The following ZC3H12B variants were observed in gnomAD, a reference collection of about 807,000 sequenced individuals.
ZC3H12B encodes the protein probable ribonuclease ZC3H12B.
Under a neutral mutation model 43.9 loss-of-function variants are expected in ZC3H12B, and 7 were observed. The observed-to-expected ratio is 0.16, with a 90% CI of 0.09 to 0.30. The LOEUF (loss-of-function observed/expected upper bound fraction) is 0.30. Ranked by LOEUF, ZC3H12B falls within the 10% of genes least tolerant of loss-of-function variation. ZC3H12B has a pLI of 1.00. For synonymous variants in ZC3H12B, 222 were observed against 241.7 expected, an observed-to-expected ratio of 0.92 and a Z score of 0.76; for missense variants, 475 against 670.2, an observed-to-expected ratio of 0.71 and a Z score of 3.22.
chrX:65,106,001 T>C, the ZC3H12B span, among the ~76,000 whole-genome samples: 1 of 112,202 alleles, frequency 8.9e-6, no homozygotes, highest in Non-Finnish European at 1.9e-5. Context: ...TCCGTTATTC[T>C]GTTTTATTTT....
the ZC3H12B span, among the ~76,000 whole-genome samples, chrX:65,226,928 TAATG>T: frequency 9.0e-6 from 1 of 110,876 alleles, no homozygotes; most frequent in African/African-American, 3.3e-5. Context: ...CACACAATAA[TAATG>T]GGAGACTTTA....
At chrX:65,200,918 G>C in the ZC3H12B span, among the ~76,000 whole-genome samples, 1 of 111,625 alleles carries the variant, frequency 9.0e-6, no homozygotes, top group African/African-American at 3.3e-5. Flanking sequence ...TAAGCATTTT[G>C]ATGTGATGCT....
the ZC3H12B span, among the ~76,000 whole-genome samples, chrX:65,238,622 C>T: frequency 9.0e-6 from 1 of 111,464 alleles, no homozygotes; most frequent in African/African-American, 3.3e-5. Context: ...GTTTTGTCTT[C>T]TGCTACCTTT....
the ZC3H12B span, among the ~76,000 whole-genome samples, chrX:65,251,419 G>A: frequency 0.083 from 9,205 of 111,070 alleles, 1,021 homozygotes; most frequent in African/African-American, 0.29. Flanking sequence ...TTGGCAATGC[G>A]GGCTCTTTCT....
the ZC3H12B span, among the ~76,000 whole-genome samples, chrX:65,091,594 G>A: frequency 8.9e-6 from 1 of 111,934 alleles, no homozygotes; most frequent in South Asian, 3.8e-4. Flanking sequence ...TGGACAAGGT[G>A]TGATGTAACA....
the ZC3H12B span, among the ~76,000 whole-genome samples, chrX:65,218,827 T>A: frequency 9.0e-6 from 1 of 111,568 alleles, no homozygotes; most frequent in African/African-American, 3.3e-5. Context: ...GCTGATGCAC[T>A]CTTGAAAGTG....
At chrX:65,266,578 C>T in the ZC3H12B span, among the ~76,000 whole-genome samples, 2 of 111,677 alleles carry the variant, frequency 1.8e-5, no homozygotes, top group African/African-American at 6.5e-5. Flanking sequence ...TGTTGTTTTG[C>T]AGTAAAGGAG....
chrX:65,412,666 C>A (rs1473475912), intron 3 of ZC3H12B, among the ~76,000 whole-genome samples: 2 of 111,006 alleles, frequency 1.8e-5, no homozygotes, highest in Admixed American at 1.9e-4. Context: ...CAGGGTTTCA[C>A]CATGCTACCC....
At chrX:65,233,778 A>T in the ZC3H12B span, among the ~76,000 whole-genome samples, 1 of 111,241 alleles carries the variant, frequency 9.0e-6, no homozygotes, top group Non-Finnish European at 1.9e-5. Context: ...AAAAAATAGG[A>T]TAAATGGAAT....
chrX:65,163,208 G>C, the ZC3H12B span, among the ~76,000 whole-genome samples: 1 of 111,491 alleles, frequency 9.0e-6, no homozygotes, highest in Non-Finnish European at 1.9e-5. Flanking sequence ...AGGTTGCTCG[G>C]GGGTCAGGGG....
At chrX:65,289,058 A>G in the ZC3H12B span, among the ~76,000 whole-genome samples, 2 of 111,068 alleles carry the variant, frequency 1.8e-5, no homozygotes, top group African/African-American at 6.5e-5. Context: ...CTGTGCAAGG[A>G]AAACTACAAA....
chrX:65,230,741 G>T, the ZC3H12B span, among the ~76,000 whole-genome samples: 1 of 111,000 alleles, frequency 9.0e-6, no homozygotes, highest in Admixed American at 9.6e-5. Flanking sequence ...AAAACCTATG[G>T]ATTTGTATCA....
At chrX:65,403,958 A>C (rs1471725132) in intron 3 of ZC3H12B, among the ~76,000 whole-genome samples, 1 of 112,372 alleles carries the variant, frequency 8.9e-6, no homozygotes, top group Non-Finnish European at 1.9e-5. Context: ...TGCAACTGTG[A>C]TATGTAATCA....
chrX:65,497,208 G>T, exon 2 of ZC3H12B: 1 of 1,210,114 alleles, frequency 8.3e-7, no homozygotes, highest in Non-Finnish European at 1.1e-6. Flanking sequence ...AGGCCATAAA[G>T]ATATTACTGT....
chrX:65,325,858 A>T, the ZC3H12B span, among the ~76,000 whole-genome samples: 1 of 111,951 alleles, frequency 8.9e-6, no homozygotes, highest in South Asian at 3.6e-4. Context: ...GCATCAAAAA[A>T]TTGAACAGAC....
chrX:65,429,645 G>T (rs2067128627), intron 3 of ZC3H12B, among the ~76,000 whole-genome samples: 1 of 112,016 alleles, frequency 8.9e-6, no homozygotes, highest in Non-Finnish European at 1.9e-5. Flanking sequence ...AAACTGAAGA[G>T]ACTGTTCACC....
the ZC3H12B span, among the ~76,000 whole-genome samples, chrX:65,226,510 G>C: frequency 9.0e-6 from 1 of 111,653 alleles, no homozygotes; most frequent in East Asian, 2.8e-4. Context: ...CATAATGACA[G>C]TATCAAATTC....
At chrX:65,068,459 ACT>A in the ZC3H12B span, among the ~76,000 whole-genome samples, 1 of 111,283 alleles carries the variant, frequency 9.0e-6, no homozygotes, top group African/African-American at 3.3e-5. Flanking sequence ...ATAACTTAAC[ACT>A]CTGCATAAAA....
chrX:65,122,585 C>G, the ZC3H12B span, among the ~76,000 whole-genome samples: 1 of 111,341 alleles, frequency 9.0e-6, no homozygotes, highest in Admixed American at 9.6e-5. Flanking sequence ...AAGAGACAGA[C>G]TGGCAAATTG....
Sources: allele counts gnomAD v4.1 joint callset (sites outside exome capture counted in the v4.1 genomes callset), GRCh38; gene constraint gnomAD v4.1.1; transcripts MANE v1.5; gene names NCBI Gene and HGNC (gene_info 2026-07-23, HGNC 2026-07-21).